Variants in NME9 observed in about 807,000 individuals in gnomAD.
The protein encoded by NME9 is NME/NM23 family member 9, also known as thioredoxin domain-containing protein 6.
Under a neutral mutation model 44.4 loss-of-function variants are expected in NME9, and 48 were observed. That is an observed-to-expected ratio of 1.08 (90% CI 0.86 to 1.37). The LOEUF is 1.37. NME9 is among the 40% of genes most tolerant of loss of function. The pLI is 0.00. For synonymous variants in NME9, 139 were observed against 147.1 expected (o/e 0.94, Z 0.40); for missense variants, 325 against 405.2 (o/e 0.80, Z 1.70).
In NME9 at chr3:138,304,889, T is replaced by A; in HGVS notation, c.775A>T (p.Arg259Trp). 1 of 1,614,094 alleles carries A rather than the reference T, an allele frequency of 6.2e-7. No homozygotes were observed. The highest frequency in any genetic ancestry group is 8.5e-7 in the Non-Finnish European group (1 of 1,179,984). ...TGACATCACCTTTCTGGCTGCTCCC[T>A]CCTGGCCACATTGGGGTCACGGGGG... ...MGPRDPNVAR[R>W]EQPESLRAQY... is the part of the protein sequence containing the mutation. The change falls in exon 9 of 11, where the codon AGG becomes TGG. Residue 259 changes from arginine to tryptophan, a missense_variant. Physicochemically the swap from Arg to Trp is moderately radical, Grantham distance 101 (BLOSUM62 -3). Transcript: ENST00000333911.
intron 6 of NME9, 82 bp downstream of exon 6, chr3:138,314,250 A>G (rs2052910257): frequency 1.3e-6 from 1 of 769,034 alleles, no homozygotes; most frequent in African/African-American, 1.8e-5. Flanking sequence ...TGCTCAGTAA[A>G]CTGAATACTC....
intron 8 of NME9, among the ~76,000 whole-genome samples, chr3:138,292,960 G>C (rs2051111696): frequency 6.6e-6 from 1 of 152,162 alleles, no homozygotes; most frequent in South Asian, 2.1e-4. Flanking sequence ...ATGCCTGGAC[G>C]GTGGCCGTTT....
chr3:138,302,730 T>TC (rs768946193), intron 10 of NME9, among the ~76,000 whole-genome samples: 16 of 152,350 alleles, frequency 1.1e-4, no homozygotes, highest in Non-Finnish European at 1.5e-4. Context: ...GGCAAATATA[T>TC]TGATTAAAAC....
At chr3:138,287,830 A>T in intron 8 of NME9, 1 of 329,316 alleles carries the variant, frequency 3.0e-6, no homozygotes, top group South Asian at 2.6e-5. Flanking sequence ...ACTCTCTCAG[A>T]TGTGCATAAA....
chr3:138,281,513 A>G (rs772009993), intron 8 of NME9, among the ~76,000 whole-genome samples: 1 of 152,054 alleles, frequency 6.6e-6, no homozygotes, highest in Non-Finnish European at 1.5e-5. Context: ...GGATGGTCTC[A>G]ATCTCTTGAC....
chr3:138,278,619 G>A (rs879401816), intron 8 of NME9, among the ~76,000 whole-genome samples: 4 of 151,974 alleles, frequency 2.6e-5, no homozygotes, highest in Non-Finnish European at 5.9e-5. Context: ...TTGGGATTTC[G>A]ATCGTATTGT....
chr3:138,294,223 G>C (rs139114762), intron 8 of NME9, among the ~76,000 whole-genome samples: 1 of 152,146 alleles, frequency 6.6e-6, no homozygotes, highest in Non-Finnish European at 1.5e-5. Flanking sequence ...GGTTCCTTTT[G>C]TCGTTAAGAC....
chr3:138,289,244 C>T, intron 8 of NME9: 3 of 720,840 alleles, frequency 4.2e-6, no homozygotes, highest in East Asian at 2.8e-5. Flanking sequence ...GGCCCAAGCA[C>T]CCTCTAGAGT....
At chr3:138,307,524 CAT>C (rs893895925) in intron 6 of NME9, among the ~76,000 whole-genome samples, 4 of 152,220 alleles carry the variant, frequency 2.6e-5, no homozygotes, top group African/African-American at 4.8e-5. Context: ...ATCTCAAAAA[CAT>C]GTACTGCAAA....
In NME9 at chr3:138,283,944, A is replaced by G. The variant is rs554178923; in HGVS notation, c.745+19563T>C. Reference sequence around the variant, plus strand: ...GCTGGTGGACAGGGTCTAGGCCTTCACCCAGAAGGTCATGAGCTTAGGAGC... The same window carrying G: ...GCTGGTGGACAGGGTCTAGGCCTTCGCCCAGAAGGTCATGAGCTTAGGAGC... On this transcript the variant is annotated intron_variant, in intron 8 of 8. Transcript: ENST00000317876. Among the ~76,000 whole-genome samples, 3 of 152,238 alleles carry G rather than the reference A, an allele frequency of 2.0e-5. No homozygotes were observed. The East Asian group carries it at 5.8e-4, about 29-fold the overall frequency.
chr3:138,292,813 G>C (rs1429012228), intron 8 of NME9, among the ~76,000 whole-genome samples: 4 of 152,086 alleles, frequency 2.6e-5, no homozygotes, highest in Admixed American at 2.6e-4. Flanking sequence ...AGAGAAAGGA[G>C]GACTAAGGAC....
At chr3:138,281,034 G>T (rs1165590032) in intron 8 of NME9, among the ~76,000 whole-genome samples, 1 of 152,134 alleles carries the variant, frequency 6.6e-6, no homozygotes, top group Non-Finnish European at 1.5e-5. Flanking sequence ...TGCTGTTCTA[G>T]CCTGGAAGCA....
chr3:138,305,341 A>G (rs2052169476), intron 8 of NME9, among the ~76,000 whole-genome samples: 1 of 152,218 alleles, frequency 6.6e-6, no homozygotes, highest in African/African-American at 2.4e-5. Flanking sequence ...AAAAGACCAT[A>G]TCTATGGAAA....
intron 4 of NME9, among the ~76,000 whole-genome samples, chr3:138,317,836 AG>A (rs2053189995): frequency 6.6e-6 from 1 of 152,196 alleles, no homozygotes; most frequent in Non-Finnish European, 1.5e-5. Context: ...CAAGTCAGGA[AG>A]GTTGCCCCAG....
intron 8 of NME9, among the ~76,000 whole-genome samples, chr3:138,295,571 T>TA (rs2051408033): frequency 6.6e-6 from 1 of 152,182 alleles, no homozygotes; most frequent in Non-Finnish European, 1.5e-5. Context: ...AAACATAGAA[T>TA]GTCAGCACAT....
intron 9 of NME9, among the ~76,000 whole-genome samples, chr3:138,303,967 C>T (rs1347361255): frequency 1.3e-5 from 2 of 152,094 alleles, no homozygotes; most frequent in Non-Finnish European, 2.9e-5. Context: ...GCCATTTTTT[C>T]GATATTACTA....
chr3:138,322,414 G>A (rs951067616), intron 2 of NME9, among the ~76,000 whole-genome samples: 6 of 151,958 alleles, frequency 3.9e-5, no homozygotes, highest in African/African-American at 1.2e-4. Flanking sequence ...GGAAGTGTTT[G>A]ATTTGACTCC....
rs1426844607 is a variant in NME9 at position 138,322,150 on chromosome 3, C to G, written c.92-2569G>C. On this transcript the variant is annotated intron_variant, in intron 2 of 10. Coordinates refer to ENST00000333911, the MANE Select transcript of NME9 (RefSeq NM_001349018.2). ...ATTCGGGTCAAGCCAGGAAAATGTC[C>G]CTGAAGACTTAGAGGGCCCTGTACA... Among the ~76,000 whole-genome samples the G allele has an allele frequency of 2.6e-5, 4 of 151,876 alleles. No homozygotes were observed. The East Asian group carries it at 7.7e-4, about 29-fold the overall frequency.
intron 8 of NME9, among the ~76,000 whole-genome samples, chr3:138,281,058 C>T (rs2049859086): frequency 6.6e-6 from 1 of 152,182 alleles, no homozygotes; most frequent in African/African-American, 2.4e-5. Context: ...ATAGACAATA[C>T]ATAAGCAAGT....
Sources: allele counts gnomAD v4.1 joint callset (sites outside exome capture counted in the v4.1 genomes callset), GRCh38; gene constraint gnomAD v4.1.1; transcripts MANE v1.5; gene names NCBI Gene and HGNC (gene_info 2026-07-23, HGNC 2026-07-21).